Variants in CAMK2D observed in about 807,000 individuals in gnomAD.
The protein encoded by CAMK2D is calcium/calmodulin-dependent protein kinase type II subunit delta.
Under a neutral mutation model 84.0 loss-of-function variants are expected in CAMK2D, and 37 were observed. The ratio of observed to expected loss-of-function variants is 0.44; its 90% CI spans 0.34 to 0.58. The LOEUF (loss-of-function observed/expected upper bound fraction) is 0.58, where lower values mean the gene tolerates loss of function less well. CAMK2D is among the 20% of genes least tolerant of loss of function. The probability of loss-of-function intolerance (pLI) is 0.02; values close to 1 mark genes in which losing one functional copy is unlikely to be tolerated. For missense variants in CAMK2D, 448 were observed against 652.5 expected, an observed-to-expected ratio of 0.69 and a Z score of 3.41; for synonymous variants, 202 against 212.5, an observed-to-expected ratio of 0.95 and a Z score of 0.43.
At chr4:113,547,616 GT>G in intron 6 of CAMK2D, 27 bp downstream of exon 6, 1 of 1,442,614 alleles carries the variant, frequency 6.9e-7, no homozygotes, top group Non-Finnish European at 9.4e-7. Context: ...CTGTGTGGTG[GT>G]TTATCTTCTT....
At chr4:113,735,158 C>T (rs1261646543) in intron 2 of CAMK2D, among the ~76,000 whole-genome samples, 2 of 151,256 alleles carry the variant, frequency 1.3e-5, no homozygotes, top group Non-Finnish European at 3.0e-5. Flanking sequence ...CTGCCTTTTG[C>T]AAACTTGTAC....
intron 2 of CAMK2D, chr4:113,754,935 C>A: frequency 2.0e-6 from 2 of 984,304 alleles, no homozygotes; most frequent in Non-Finnish European, 2.4e-6. Context: ...TTGTTCTTGC[C>A]AAGAAACCTT....
intron 16 of CAMK2D, among the ~76,000 whole-genome samples, chr4:113,479,787 A>G (rs912558981): frequency 1.3e-5 from 2 of 152,176 alleles, no homozygotes; most frequent in African/African-American, 4.8e-5. Flanking sequence ...ACACACACAC[A>G]GTTCTCTCTG....
At chr4:113,532,059 A>G (rs1448101141) in intron 7 of CAMK2D, among the ~76,000 whole-genome samples, 3 of 152,200 alleles carry the variant, frequency 2.0e-5, no homozygotes, top group African/African-American at 7.2e-5. Flanking sequence ...AAAAGTATAT[A>G]TAATGGAATT....
At chr4:113,463,564 T>C (rs950543357) in intron 17 of CAMK2D, among the ~76,000 whole-genome samples, 3 of 152,132 alleles carry the variant, frequency 2.0e-5, no homozygotes, top group African/African-American at 7.2e-5. Context: ...TTAGTAGAGA[T>C]GGGGTTTCTC....
At chr4:113,700,875 G>A (rs1010513406) in intron 2 of CAMK2D, among the ~76,000 whole-genome samples, 2 of 152,128 alleles carry the variant, frequency 1.3e-5, no homozygotes, top group Non-Finnish European at 2.9e-5. Context: ...CCCTCTTCAG[G>A]AATAGACTAA....
chr4:113,620,840 G>T (rs1287769817), intron 3 of CAMK2D, among the ~76,000 whole-genome samples: 1 of 152,068 alleles, frequency 6.6e-6, no homozygotes, highest in African/African-American at 2.4e-5. Context: ...ATATTTTTAA[G>T]AACCAAATTT....
chr4:113,645,219 T>C (rs990414411), intron 3 of CAMK2D, among the ~76,000 whole-genome samples: 1 of 152,100 alleles, frequency 6.6e-6, no homozygotes, highest in Non-Finnish European at 1.5e-5. Flanking sequence ...GGTTTCACCA[T>C]GTTAGCCAGG....
intron 3 of CAMK2D, among the ~76,000 whole-genome samples, chr4:113,654,662 C>T (rs1224341730): frequency 6.6e-6 from 1 of 151,942 alleles, no homozygotes; most frequent in African/African-American, 2.4e-5. Context: ...CTAAACATCG[C>T]CATCTCTTTA....
intron 16 of CAMK2D, among the ~76,000 whole-genome samples, chr4:113,470,856 G>A (rs942898621): frequency 1.3e-5 from 2 of 152,180 alleles, no homozygotes; most frequent in East Asian, 1.9e-4. Flanking sequence ...CACAGTGCAT[G>A]GCATATAGGA....
At chr4:113,757,840 T>C (rs2099632049) in intron 2 of CAMK2D, among the ~76,000 whole-genome samples, 1 of 152,126 alleles carries the variant, frequency 6.6e-6, no homozygotes, top group African/African-American at 2.4e-5. Flanking sequence ...AGTACATTTG[T>C]TATTCTGATT....
Position 113,761,084 on chromosome 4 carries a change from T to C in CAMK2D, c.-16A>G. ...TCGAAGCCATCCTCGGTCCGGGCTG[T>C]GCCCTGGCTGGGAGCGCGACGGACC... On this transcript the variant is annotated 5_prime_UTR_variant, in exon 1 of 21. Coordinates refer to ENST00000511664, the MANE Select transcript of CAMK2D (RefSeq NM_001321571.2). 6.2e-7 allele frequency: 1 copy of C among 1,614,000 alleles called. No homozygotes were observed. Among genetic ancestry groups the C allele is most frequent in the Non-Finnish European group, 8.5e-7 (1 of 1,180,012 alleles).
At chr4:113,751,631 G>A (rs2099617553) in intron 2 of CAMK2D, among the ~76,000 whole-genome samples, 1 of 152,030 alleles carries the variant, frequency 6.6e-6, no homozygotes, top group East Asian at 1.9e-4. Flanking sequence ...TTAGCCAGGC[G>A]TGGTGGCACG....
intron 16 of CAMK2D, among the ~76,000 whole-genome samples, chr4:113,484,569 G>A (rs983238824): frequency 6.6e-6 from 1 of 152,074 alleles, no homozygotes; most frequent in African/African-American, 2.4e-5. Context: ...GTGGTAAAAT[G>A]TTTTACAAAT....
At chr4:113,489,590 C>T (rs1471805639) in intron 16 of CAMK2D, among the ~76,000 whole-genome samples, 77 of 148,018 alleles carry the variant, frequency 5.2e-4, no homozygotes, top group East Asian at 3.8e-3. Context: ...TGAATAATGC[C>T]GCAATAAACA....
intron 8 of CAMK2D, among the ~76,000 whole-genome samples, chr4:113,518,479 G>C (rs750315182): frequency 2.6e-5 from 4 of 152,102 alleles, no homozygotes; most frequent in Non-Finnish European, 5.9e-5. Context: ...CTAAATGTCT[G>C]AGATTGTTTT....
rs397750449 is a variant in CAMK2D, at chr4:113,716,649, CAAAAA to C, written c.160+42666_160+42670del. 2.2e-4 allele frequency among the ~76,000 whole-genome samples: 17 copies of C among 76,156 alleles called. 1 individual carries two copies. In the South Asian group the frequency reaches 3.3e-3, roughly 15 times the overall value. 50.0% of individuals were successfully genotyped at this position (76,156 alleles called of 152,430 possible). A position where few individuals can be genotyped will look rare whatever the true frequency, so the allele number is the denominator to read the frequency against. ...CTGGGTGACAGAGCAAGACTCCATC[CAAAAA>C]AAAAAAAAAAAAAAAAGACATACAC... On this transcript the variant is annotated intron_variant, in intron 2 of 20. Transcript: ENST00000511664.
chr4:113,468,170 T>C (rs2097500825), intron 16 of CAMK2D, among the ~76,000 whole-genome samples: 1 of 152,152 alleles, frequency 6.6e-6, no homozygotes, highest in African/African-American at 2.4e-5. Context: ...CGGGTGTATA[T>C]GGCCATCTTT....
chr4:113,533,066 G>C (rs1227691202), intron 7 of CAMK2D, among the ~76,000 whole-genome samples: 2 of 151,910 alleles, frequency 1.3e-5, no homozygotes, highest in Admixed American at 6.6e-5. Flanking sequence ...ATGGCCAGAA[G>C]TACGAAATGT....
Sources: allele counts gnomAD v4.1 joint callset (sites outside exome capture counted in the v4.1 genomes callset), GRCh38; gene constraint gnomAD v4.1.1; transcripts MANE v1.5; gene names NCBI Gene and HGNC (gene_info 2026-07-23, HGNC 2026-07-21).